Variants in DIAPH2 observed in about 807,000 individuals in gnomAD.
DIAPH2 encodes diaphanous related formin 2.
DIAPH2 carries 35 observed loss-of-function variants against 92.7 expected under a neutral mutation model. The ratio of observed to expected loss-of-function variants is 0.38; its 90% CI spans 0.29 to 0.50. The LOEUF is 0.50. Ranked by LOEUF, DIAPH2 falls within the 20% of genes least tolerant of loss-of-function variation. The probability of loss-of-function intolerance (pLI) is 0.94; values close to 1 mark genes in which losing one functional copy is unlikely to be tolerated. For synonymous variants in DIAPH2, 301 were observed against 280.4 expected (o/e 1.07, Z -0.73); for missense variants, 701 against 819.5 (o/e 0.86, Z 1.77).
chrX:97,575,280 T>G (rs919252089), intron 26 of DIAPH2, among the ~76,000 whole-genome samples: 9 of 112,712 alleles, frequency 8.0e-5, no homozygotes, highest in African/African-American at 2.9e-4. Context: ...CAGGCCTCTC[T>G]CCTAGCTCCT....
chrX:96,839,833 T>C (rs1403230666), intron 4 of DIAPH2, among the ~76,000 whole-genome samples: 1 of 111,930 alleles, frequency 8.9e-6, no homozygotes, highest in Non-Finnish European at 1.9e-5. Context: ...CCTACAAAGA[T>C]GCAAGAACTA....
At chrX:96,759,789 T>C (rs1210339846) in intron 4 of DIAPH2, among the ~76,000 whole-genome samples, 2 of 111,776 alleles carry the variant, frequency 1.8e-5, no homozygotes, top group Non-Finnish European at 3.8e-5. Flanking sequence ...GAAACTCTTA[T>C]TCCTTGACCT....
chrX:96,757,260 A>G (rs1008409127), intron 3 of DIAPH2, among the ~76,000 whole-genome samples: 2 of 111,437 alleles, frequency 1.8e-5, no homozygotes, highest in Non-Finnish European at 3.8e-5. Flanking sequence ...TGTTTTGCTC[A>G]TTTGTTACTG....
At chrX:97,376,524 C>T (rs770594874) in intron 24 of DIAPH2, among the ~76,000 whole-genome samples, 17 of 112,289 alleles carry the variant, frequency 1.5e-4, no homozygotes, top group Admixed American at 4.7e-4. Context: ...AAATGGAGTA[C>T]AGACCCTGAA....
intron 23 of DIAPH2, among the ~76,000 whole-genome samples, chrX:97,277,359 TA>T (rs199877948): frequency 3.7e-5 from 4 of 108,552 alleles, no homozygotes; most frequent in Non-Finnish European, 5.8e-5. Context: ...AAATTAAAAA[TA>T]AAAAAAAAGA....
intron 4 of DIAPH2, among the ~76,000 whole-genome samples, chrX:96,874,720 T>G (rs983253066): frequency 8.9e-6 from 1 of 112,156 alleles, no homozygotes; most frequent in African/African-American, 3.2e-5. Flanking sequence ...ATGTTCTACT[T>G]TAAAATATCA....
At chrX:97,217,342 T>C (rs1368348754) in intron 22 of DIAPH2, among the ~76,000 whole-genome samples, 1 of 111,588 alleles carries the variant, frequency 9.0e-6, no homozygotes, top group South Asian at 3.8e-4. Context: ...CTTAATTCCG[T>C]TGGTCCCCTG....
intron 1 of DIAPH2, among the ~76,000 whole-genome samples, chrX:96,696,752 T>C (rs1340504079): frequency 8.9e-6 from 1 of 112,101 alleles, no homozygotes; most frequent in African/African-American, 3.2e-5. Flanking sequence ...TTCTCAATAG[T>C]ACACAATATC....
chrX:97,263,440 A>T lies in DIAPH2; in HGVS notation c.2844+15601A>T, dbSNP rs779039116. On this transcript the variant is annotated intron_variant, in intron 23 of 26. Transcript: ENST00000324765. ...ATGCTAGAATATTTTTTTAAGGAAA[A>T]GCCTTCTAAAGTGCATTATTATATT... Among the ~76,000 whole-genome samples, 555 of 111,545 alleles carry T rather than the reference A, an allele frequency of 5.0e-3. 3 individuals carry two copies. Among genetic ancestry groups the T allele is most frequent in the African/African-American group, 0.017 (531 of 30,722 alleles).
chrX:97,200,078 G>A (rs2067734918), intron 22 of DIAPH2, among the ~76,000 whole-genome samples: 2 of 110,762 alleles, frequency 1.8e-5, no homozygotes, highest in South Asian at 3.9e-4. Flanking sequence ...ATGGGGCGTC[G>A]CTTCTCCCAG....
chrX:96,812,477 G>T (rs1171456487), intron 4 of DIAPH2, among the ~76,000 whole-genome samples: 1 of 111,028 alleles, frequency 9.0e-6, no homozygotes, highest in African/African-American at 3.3e-5. Flanking sequence ...CCATCTCTTG[G>T]ATTCACTGAT....
intron 7 of DIAPH2, among the ~76,000 whole-genome samples, chrX:96,913,359 A>G (rs2065481507): frequency 9.0e-6 from 1 of 111,613 alleles, no homozygotes; most frequent in South Asian, 3.7e-4. Context: ...AACATAACAA[A>G]AAGAAAGAAA....
At chrX:97,469,782 T>C in intron 26 of DIAPH2, 1 of 1,191,506 alleles carries the variant, frequency 8.4e-7, no homozygotes. Flanking sequence ...TGGGTGATGG[T>C]ACAACATGAC....
At chrX:97,033,653 T>C (rs2066391607) in intron 17 of DIAPH2, among the ~76,000 whole-genome samples, 1 of 112,138 alleles carries the variant, frequency 8.9e-6, no homozygotes, top group Non-Finnish European at 1.9e-5. Flanking sequence ...AAAACCAAAG[T>C]TACTGTCACA....
At chrX:97,115,029 T>A in intron 21 of DIAPH2, 64 bp downstream of exon 21, 2 of 1,034,208 alleles carry the variant, frequency 1.9e-6, no homozygotes, top group Non-Finnish European at 2.6e-6. Flanking sequence ...AAGGTGATAC[T>A]GCAAATAGCA....
chrX:97,057,479 T>G (rs1400467525), intron 17 of DIAPH2, among the ~76,000 whole-genome samples: 1 of 111,772 alleles, frequency 8.9e-6, no homozygotes, highest in East Asian at 2.8e-4. Context: ...TGTTGTCGTA[T>G]TGGCAGGCCA....
chrX:96,804,593 TATTC>T (rs2064609590), intron 4 of DIAPH2, among the ~76,000 whole-genome samples: 1 of 111,776 alleles, frequency 8.9e-6, no homozygotes, highest in African/African-American at 3.3e-5. Flanking sequence ...TTAATTTTAA[TATTC>T]ATTCACCAAA....
intron 19 of DIAPH2, among the ~76,000 whole-genome samples, chrX:97,079,444 T>C (rs2066726620): frequency 9.0e-6 from 1 of 111,326 alleles, no homozygotes; most frequent in Non-Finnish European, 1.9e-5. Flanking sequence ...AAATTATTAA[T>C]TGAAAAATCC....
intron 12 of DIAPH2, 118 bp downstream of exon 12, chrX:96,939,500 GTA>G (rs370377748): frequency 1.5e-4 from 7 of 46,607 alleles, no homozygotes; most frequent in Non-Finnish European, 2.3e-4. Context: ...ATATATATAT[GTA>G]TATATATATG....
Sources: allele counts gnomAD v4.1 joint callset (sites outside exome capture counted in the v4.1 genomes callset), GRCh38; gene constraint gnomAD v4.1.1; transcripts MANE v1.5; gene names NCBI Gene and HGNC (gene_info 2026-07-23, HGNC 2026-07-21).